Variants in PLEKHH1 observed in about 807,000 individuals in gnomAD.
PLEKHH1 encodes the protein pleckstrin homology domain-containing family H member 1.
A neutral mutation model predicts 160.0 loss-of-function variants in PLEKHH1; 104 were observed. The observed-to-expected ratio is 0.65, with a 90% CI of 0.55 to 0.76. PLEKHH1 has a LOEUF of 0.76. Ranked by LOEUF, PLEKHH1 falls within the 30% of genes least tolerant of loss-of-function variation. PLEKHH1 has a pLI of 0.00. For missense variants in PLEKHH1, 1,427 were observed against 1,724.1 expected (o/e 0.83, Z 3.05); for synonymous variants, 619 against 678.4 (o/e 0.91, Z 1.36).
rs2036237941 is a variant in PLEKHH1, at chr14:67,587,780, T to C, written c.*545T>C. 1 of 159,144 alleles carries C rather than the reference T, an allele frequency of 6.3e-6. No homozygotes were observed. 9.9% of individuals were successfully genotyped at this position (159,144 alleles called of 1,614,324 possible). A position where few individuals can be genotyped will look rare whatever the true frequency, so the allele number is the denominator to read the frequency against. On this transcript the variant is annotated 3_prime_UTR_variant, in exon 29 of 29. Coordinates refer to ENST00000329153, the MANE Select transcript of PLEKHH1 (RefSeq NM_020715.3). The stretch of plus-strand genomic sequence containing the variant: ...CCAGGCTGGTCTCGAACTCCTGACC[T>C]CAGGTGATCTGCCCACTTTGGCCTC...
rs752842724 is a variant in PLEKHH1, at chr14:67,562,906, C to A, written c.1263+12C>A. 2 of 1,608,544 alleles carry A rather than the reference C, an allele frequency of 1.2e-6. No homozygotes were observed. Among genetic ancestry groups the A allele is most frequent in the South Asian group, 2.2e-5 (2 of 90,626 alleles). On this transcript the variant is annotated intron_variant, in intron 7 of 28. Transcript: ENST00000329153. ...AGTTTTCATCCTGGGTAAGAGGCAA[C>A]CTCCGGGCTGGGCAGAGGAGCAGAG... is the stretch of plus-strand genomic sequence containing the variant.
At chr14:67,536,899 G>A (rs928767012) in intron 1 of PLEKHH1, among the ~76,000 whole-genome samples, 4 of 151,694 alleles carry the variant, frequency 2.6e-5, no homozygotes, top group Admixed American at 2.6e-4. Context: ...AAATTAGCCA[G>A]TGTGGTGGCA....
chr14:67,578,707 C>A lies in PLEKHH1; in HGVS notation c.2849+76C>A. 2 of 934,322 alleles carry A rather than the reference C, an allele frequency of 2.1e-6. No homozygotes were observed. The highest frequency in any genetic ancestry group is 2.6e-5 in the East Asian group (1 of 38,226). 57.9% of individuals were successfully genotyped at this position (934,322 alleles called of 1,614,324 possible). On this transcript the variant is annotated intron_variant, in intron 20 of 28. Coordinates refer to ENST00000329153, the MANE Select transcript of PLEKHH1 (RefSeq NM_020715.3). This position sits in a 1 kb window ranked among gnomAD's most constrained non-coding sequence, Gnocchi z 5.0. ...CATGAATAAGAGGGATGAGAGGAGTCTAGGGCAGACCAGATCACTCCTGTC... is the reference window on the plus strand; with the variant it reads ...CATGAATAAGAGGGATGAGAGGAGTATAGGGCAGACCAGATCACTCCTGTC...
chr14:67,586,350 C>CT, intron 28 of PLEKHH1: 1 of 1,434,914 alleles, frequency 7.0e-7, no homozygotes, highest in Non-Finnish European at 9.3e-7. Context: ...TTCACTTTTT[C>CT]TTTTTTATTC....
chr14:67,583,953 G>A (rs1157862864), intron 25 of PLEKHH1, 42 bp from the exon 26 acceptor site: 11 of 1,612,534 alleles, frequency 6.8e-6, no homozygotes, highest in South Asian at 2.2e-5. Context: ...AAGACACGTC[G>A]GCACTTCATT....
In PLEKHH1 at chr14:67,566,800, A is replaced by G. The variant is rs769011485; in HGVS notation, c.1264-2338A>G. On this transcript the variant is annotated intron_variant, in intron 7 of 28. Transcript: ENST00000329153. Reference sequence around the variant, plus strand: ...TTCTCTATCTGAACAGGTTAAGTGTATGTGTGTGAGAGAGAGGGTGGAGGA... The same window carrying G: ...TTCTCTATCTGAACAGGTTAAGTGTGTGTGTGTGAGAGAGAGGGTGGAGGA... Among the ~76,000 whole-genome samples, 4 of 151,024 alleles carry G rather than the reference A, an allele frequency of 2.6e-5. No individual in the cohort carries two copies. In the South Asian group the frequency reaches 8.4e-4, roughly 32 times the overall value.
At chr14:67,539,100 G>A (rs568340832) in intron 1 of PLEKHH1, among the ~76,000 whole-genome samples, 2 of 152,172 alleles carry the variant, frequency 1.3e-5, no homozygotes, top group African/African-American at 4.8e-5. Flanking sequence ...ACTGAGTTGC[G>A]AGACTCCCAG....
chr14:67,574,061 A>AGAT lies in PLEKHH1; in HGVS notation c.1926+176_1927-177dup, dbSNP rs2035509066. On this transcript the variant is annotated intron_variant, in intron 13 of 28. Coordinates refer to ENST00000329153, the MANE Select transcript of PLEKHH1 (RefSeq NM_020715.3). This position sits in a 1 kb window ranked among gnomAD's most constrained non-coding sequence, Gnocchi z 4.2. ...AAAGGAAGATGAGACAGAATATGAG[A>AGAT]GATGGAGTGAAGGAAGGAGAGACAG... is the stretch of plus-strand genomic sequence containing the variant. 6.6e-6 allele frequency among the ~76,000 whole-genome samples: 1 copy of AGAT among 152,166 alleles called. No individual in the cohort carries two copies. The highest frequency in any genetic ancestry group is 2.4e-5 in the African/African-American group (1 of 41,430).
chr14:67,560,162 G>C (rs2140410106), intron 5 of PLEKHH1, among the ~76,000 whole-genome samples: 1 of 152,212 alleles, frequency 6.6e-6, no homozygotes, highest in East Asian at 1.9e-4. Context: ...TGAGTAGCTG[G>C]GGTTACAGGC....
intron 2 of PLEKHH1, among the ~76,000 whole-genome samples, chr14:67,548,059 G>A (rs2034248620): frequency 6.6e-6 from 1 of 152,274 alleles, no homozygotes; most frequent in African/African-American, 2.4e-5. Context: ...GATGACTTGA[G>A]ATTCACATCT....
In PLEKHH1 at chr14:67,574,741, G is replaced by A. The variant is rs1005793828; in HGVS notation, c.2088+338G>A. Among the ~76,000 whole-genome samples the A allele has an allele frequency of 6.6e-6, 1 of 152,146 alleles. No homozygotes were observed. Among genetic ancestry groups the A allele is most frequent in the African/African-American group, 2.4e-5 (1 of 41,432 alleles). ...AATAGTGGGAGGAAGAGGCCTGGGCGAGGTAGGTATGGCTCCTCAAAGACT... is the reference window on the plus strand; with the variant it reads ...AATAGTGGGAGGAAGAGGCCTGGGCAAGGTAGGTATGGCTCCTCAAAGACT... On this transcript the variant is annotated intron_variant, in intron 14 of 28. Transcript: ENST00000329153. The surrounding 1 kb of genome is among the most constrained non-coding windows in gnomAD (Gnocchi z 4.2).
rs1362163757 is a variant in PLEKHH1, at chr14:67,579,298, A to G, written c.3014A>G (p.Asn1005Ser). The change falls in exon 21 of 29, where the codon AAC becomes AGC. Residue 1005 changes from asparagine (N) to serine (S), a missense_variant. Physicochemically the swap from Asn to Ser is conservative, Grantham distance 46 (BLOSUM62 1). Transcript: ENST00000329153. Reference protein sequence around the residue: ...LPFSIPVHFTNGTYHVVGFDG... With the variant: ...LPFSIPVHFTSGTYHVVGFDG... ...TTCAGCATCCCCGTGCACTTTACCA[A>G]CGGGACTTACCATGTGAGGAGCTGG... is the stretch of plus-strand genomic sequence containing the variant. The G allele has an allele frequency of 3.3e-6, 5 of 1,537,604 alleles. No individual in the cohort carries two copies. Among genetic ancestry groups the G allele is most frequent in the Non-Finnish European group, 4.4e-6 (5 of 1,145,532 alleles).
chr14:67,584,827 A>G (rs996340516), intron 26 of PLEKHH1, among the ~76,000 whole-genome samples: 12 of 152,152 alleles, frequency 7.9e-5, no homozygotes, highest in African/African-American at 2.7e-4. Context: ...TTTTTTCTCT[A>G]TGTATTTAAT....
At chr14:67,533,742 C>G (rs1358924405) in intron 1 of PLEKHH1, 1 of 152,038 alleles carries the variant, frequency 6.6e-6, no homozygotes, top group Non-Finnish European at 1.5e-5. Flanking sequence ...CACCCCTTCC[C>G]GCACCCCTCC....
chr14:67,573,918 A>C lies in PLEKHH1; in HGVS notation c.1926+31A>C, dbSNP rs773911462. On this transcript the variant is annotated intron_variant, in intron 13 of 28. Coordinates refer to ENST00000329153, the MANE Select transcript of PLEKHH1 (RefSeq NM_020715.3). This position sits in a 1 kb window ranked among gnomAD's most constrained non-coding sequence, Gnocchi z 4.8. Reference sequence around the variant, plus strand: ...CACGCTCCTGGCTGCTAGTATTTTAAACAGAAGAGGTGCTGGGTTTGGATA... The same window carrying C: ...CACGCTCCTGGCTGCTAGTATTTTACACAGAAGAGGTGCTGGGTTTGGATA... 8 of 1,516,838 alleles carry C rather than the reference A, an allele frequency of 5.3e-6. No individual in the cohort carries two copies. In the African/African-American group the frequency reaches 5.5e-5, roughly 10 times the overall value. 94.0% of individuals were successfully genotyped at this position (1,516,838 alleles called of 1,614,324 possible).
rs2140517903 is a variant in PLEKHH1, at chr14:67,579,816, C to G, written c.3123C>G (p.Ala1041=). ...GMRKPSHSGF[A]LFTDDPSGRD... is the part of the protein sequence containing the mutation. ...GAAAGCCATCCCACTCTGGCTTTGCCCTCTTCACGGACGATCCCTCGGGCA... is the reference window on the plus strand; with the variant it reads ...GAAAGCCATCCCACTCTGGCTTTGCGCTCTTCACGGACGATCCCTCGGGCA... Residue 1041 remains alanine, a synonymous_variant, in exon 22 of 29, where the codon GCC becomes GCG. Coordinates refer to ENST00000329153, the MANE Select transcript of PLEKHH1 (RefSeq NM_020715.3). The G allele has an allele frequency of 1.2e-6, 2 of 1,610,148 alleles. No homozygotes were observed. The highest frequency in any genetic ancestry group is 2.2e-5 in the East Asian group (1 of 44,778).
chr14:67,577,349 C>T lies in PLEKHH1; in HGVS notation c.2509C>T (p.Leu837=). 1 of 1,586,854 alleles carries T rather than the reference C, an allele frequency of 6.3e-7. No individual in the cohort carries two copies. ...HPMLCYSKDG[L]YASLTTLPSE... Reference sequence around the variant, plus strand: ...CATGCTGTGCTACAGCAAAGACGGCCTATACGCCTCCCTCACCACCCTGCC... The same window carrying T: ...CATGCTGTGCTACAGCAAAGACGGCTTATACGCCTCCCTCACCACCCTGCC... Residue 837 remains leucine, a synonymous_variant, in exon 18 of 29, where the codon CTA becomes TTA. Coordinates refer to ENST00000329153, the MANE Select transcript of PLEKHH1 (RefSeq NM_020715.3).
chr14:67,555,737 G>C, intron 2 of PLEKHH1, 88 bp from the exon 3 acceptor site: 2 of 1,556,318 alleles, frequency 1.3e-6, no homozygotes, highest in Non-Finnish European at 1.7e-6. Flanking sequence ...TGTGTGCAGT[G>C]TGTGCACAGT....
rs927950600 is a variant in PLEKHH1, at chr14:67,562,799, G to A, written c.1168G>A (p.Glu390Lys). The A allele has an allele frequency of 6.2e-7, 1 of 1,613,806 alleles. No homozygotes were observed. ...EEPPPAGKNE[E>K]RESPKALGAE... ...GCCACCCCCAGCAGGGAAGAATGAG[G>A]AAAGAGAGAGCCCAAAGGCCCTTGG... Residue 390 changes from glutamate to lysine, a missense_variant, in exon 7 of 29, where the codon GAA becomes AAA. Physicochemically the swap from Glu to Lys is moderately conservative, Grantham distance 56. This residue lies in a region of PLEKHH1 where 831 missense variants were observed against 929.2 expected (regional missense o/e 0.89). Transcript: ENST00000329153.
Sources: allele counts gnomAD v4.1 joint callset (sites outside exome capture counted in the v4.1 genomes callset), GRCh38; gene constraint gnomAD v4.1.1; regional missense constraint gnomAD v4.1.1; non-coding constraint Gnocchi (gnomAD v3.1); transcripts MANE v1.5; gene names NCBI Gene and HGNC (gene_info 2026-07-23, HGNC 2026-07-21).